UNC79: variants seen among roughly 807,000 people sequenced by gnomAD.
UNC79 encodes the protein protein unc-79 homolog.
UNC79 carries 37 observed loss-of-function variants against 283.1 expected under a neutral mutation model. The ratio of observed to expected loss-of-function variants is 0.13; its 90% confidence interval spans 0.10 to 0.17. The LOEUF (loss-of-function observed/expected upper bound fraction) is 0.17, where lower values mean the gene tolerates loss of function less well. Ranked by LOEUF, UNC79 falls within the 10% of genes least tolerant of loss-of-function variation. The probability of loss-of-function intolerance (pLI) is 1.00; values close to 1 mark genes in which losing one functional copy is unlikely to be tolerated. For missense variants in UNC79, 2,272 were observed against 3,211.1 expected (o/e 0.71, Z 7.07); for synonymous variants, 1,107 against 1,200.2 (o/e 0.92, Z 1.61).
chr14:93,350,150 C>T (rs1328854077), intron 1 of UNC79, among the ~76,000 whole-genome samples: 2 of 151,918 alleles, frequency 1.3e-5, no homozygotes, highest in African/African-American at 4.8e-5. Flanking sequence ...TTCTTGCTTC[C>T]TAGGTTTTCA....
intron 1 of UNC79, among the ~76,000 whole-genome samples, chr14:93,459,874 G>A (rs868696416): frequency 2.4e-4 from 6 of 25,230 alleles, no homozygotes; most frequent in African/African-American, 9.6e-4. Flanking sequence ...GTTTCACCGT[G>A]TTAGCCAGGA....
intron 14 of UNC79, among the ~76,000 whole-genome samples, chr14:93,568,598 G>A (rs2063035071): frequency 6.6e-6 from 1 of 152,102 alleles, no homozygotes; most frequent in African/African-American, 2.4e-5. Flanking sequence ...TTGAATCTGG[G>A]AGGTGGAGGC....
chr14:93,565,393 G>A (rs1387136923), intron 14 of UNC79, among the ~76,000 whole-genome samples: 3 of 152,158 alleles, frequency 2.0e-5, no homozygotes, highest in Non-Finnish European at 2.9e-5. Flanking sequence ...AATAGACAAG[G>A]TGAGCTATTT....
chr14:93,676,038 A>G (rs1409494404), intron 41 of UNC79, among the ~76,000 whole-genome samples: 2 of 152,172 alleles, frequency 1.3e-5, no homozygotes, highest in Non-Finnish European at 2.9e-5. Context: ...CAGTGTTCAC[A>G]CAGACTTTTT....
At chr14:93,566,639 ATTTT>A (rs33917214) in intron 14 of UNC79, among the ~76,000 whole-genome samples, 1 of 136,282 alleles carries the variant, frequency 7.3e-6, no homozygotes. Flanking sequence ...AGTTTCTGGA[ATTTT>A]TTTTTTTTTT....
chr14:93,435,650 G>A (rs1363012208), intron 1 of UNC79, among the ~76,000 whole-genome samples: 1 of 152,074 alleles, frequency 6.6e-6, no homozygotes, highest in East Asian at 1.9e-4. Flanking sequence ...TTTTAGATCA[G>A]TCATTTTGGT....
chr14:93,662,743 G>A (rs780203909), intron 40 of UNC79, 29 bp downstream of exon 43: 2 of 1,532,984 alleles, frequency 1.3e-6, no homozygotes, highest in Admixed American at 1.8e-5. Context: ...GTGTGTTCCT[G>A]TGAAACTGAA....
intron 22 of UNC79, among the ~76,000 whole-genome samples, chr14:93,588,823 CAGTT>C (rs941075129): frequency 2.1e-5 from 3 of 141,906 alleles, no homozygotes; most frequent in East Asian, 4.1e-4. Context: ...AGAAAGAAAA[CAGTT>C]AGTGGGTGCA....
At chr14:93,544,713 A>C (rs2061520854) in intron 14 of UNC79, among the ~76,000 whole-genome samples, 1 of 152,214 alleles carries the variant, frequency 6.6e-6, no homozygotes, top group South Asian at 2.1e-4. Context: ...AGAGCATAGA[A>C]TGAGGAACCA....
intron 40 of UNC79, among the ~76,000 whole-genome samples, chr14:93,667,398 C>T (rs2072331275): frequency 6.6e-6 from 1 of 152,136 alleles, no homozygotes; most frequent in Admixed American, 6.5e-5. Flanking sequence ...AGCATAACTA[C>T]AGACAGAGAT....
At chr14:93,600,673 T>G (rs766836302) in exon 25 of UNC79, 5 of 1,614,020 alleles carry the variant, frequency 3.1e-6, no homozygotes, top group Non-Finnish European at 4.2e-6. Context: ...AGGATATTCC[T>G]GCTCTGAGCT....
chr14:93,367,138 A>C (rs1225852971), intron 1 of UNC79, among the ~76,000 whole-genome samples: 8 of 152,228 alleles, frequency 5.3e-5, no homozygotes, highest in Non-Finnish European at 1.5e-5. Flanking sequence ...TAGTGATTAG[A>C]GGCTTCATTC....
At chr14:93,399,029 C>T (rs1435267906) in intron 1 of UNC79, among the ~76,000 whole-genome samples, 1 of 152,138 alleles carries the variant, frequency 6.6e-6, no homozygotes, top group Non-Finnish European at 1.5e-5. Flanking sequence ...AGGAAACTTA[C>T]AATCACAGCA....
At chr14:93,613,148 T>C in intron 27 of UNC79, 65 bp downstream of exon 28, 1 of 1,586,046 alleles carries the variant, frequency 6.3e-7, no homozygotes, top group Non-Finnish European at 8.6e-7. Flanking sequence ...AGGCATTACA[T>C]ACCATGTAGC....
rs1186731686 is a variant in UNC79 at position 93,617,206 on chromosome 14, C to T, written c.4126C>T (p.Arg1376Trp). Residue 1376 changes from arginine (R) to tryptophan (W), a missense_variant, in exon 28 of 49, where the codon CGG becomes TGG. Physicochemically the swap from Arg to Trp is moderately radical, Grantham distance 101. This residue lies in a region of UNC79 where 128 missense variants were observed against 230.3 expected (regional missense o/e 0.56). Transcript: ENST00000555664. The surrounding 1 kb of genome is among the most constrained non-coding windows in gnomAD (Gnocchi z 4.5). ...CAAATACTGCTCTTGTCCTCAACTCCGGCATTATTTCCAACAGCCGCCTCG... is the reference window on the plus strand; with the variant it reads ...CAAATACTGCTCTTGTCCTCAACTCTGGCATTATTTCCAACAGCCGCCTCG... The T allele has an allele frequency of 1.9e-6, 3 of 1,614,188 alleles. No homozygotes were observed. The highest frequency in any genetic ancestry group is 2.5e-6 in the Non-Finnish European group (3 of 1,180,038).
chr14:93,627,951 A>G (rs55954987), intron 30 of UNC79, among the ~76,000 whole-genome samples: 2,114 of 152,320 alleles, frequency 0.014, 59 homozygotes, highest in African/African-American at 0.049. Flanking sequence ...AGCCACTGAC[A>G]TCTCTGACCT....
At chr14:93,640,510 C>A (rs995277219) in intron 32 of UNC79, among the ~76,000 whole-genome samples, 1 of 152,074 alleles carries the variant, frequency 6.6e-6, no homozygotes, top group African/African-American at 2.4e-5. Context: ...TGCCTGTAGC[C>A]CCAGCCACTT....
intron 13 of UNC79, among the ~76,000 whole-genome samples, chr14:93,541,134 G>A (rs1387859783): frequency 6.6e-6 from 1 of 152,158 alleles, no homozygotes; most frequent in Admixed American, 6.5e-5. Context: ...GATCTAGACT[G>A]GTACAAGTCG....
intron 25 of UNC79, 85 bp from the exon 26 acceptor site, chr14:93,603,154 T>C (rs1566753174): frequency 2.0e-6 from 3 of 1,471,580 alleles, no homozygotes; most frequent in Non-Finnish European, 2.8e-6. Context: ...ATTGAAACTC[T>C]ACACAGATGG....
Sources: gnomAD v4.1 joint callset for allele counts (sites outside exome capture counted in the v4.1 genomes callset) on GRCh38, gnomAD v4.1.1 for gene constraint, gnomAD v4.1.1 regional missense constraint, Gnocchi (gnomAD v3.1) non-coding constraint, MANE v1.5 for transcripts, NCBI Gene and HGNC (gene_info 2026-07-23, HGNC 2026-07-21) for gene names.